Variants in PTPRT observed in about 807,000 individuals in gnomAD.
PTPRT encodes the protein receptor-type tyrosine-protein phosphatase T.
A neutral mutation model predicts 176.8 loss-of-function variants in PTPRT; 56 were observed. The observed-to-expected ratio is 0.32, with a 90% confidence interval of 0.26 to 0.40. The LOEUF (loss-of-function observed/expected upper bound fraction) is 0.40, where lower values mean the gene tolerates loss of function less well. Ranked by LOEUF, PTPRT falls within the 10% of genes least tolerant of loss-of-function variation. The probability of loss-of-function intolerance (pLI) is 1.00; values close to 1 mark genes in which losing one functional copy is unlikely to be tolerated. For missense variants in PTPRT, 1,540 were observed against 1,908.2 expected (o/e 0.81, Z 3.60); for synonymous variants, 783 against 739.0 (o/e 1.06, Z -0.96).
intron 1 of PTPRT, among the ~76,000 whole-genome samples, chr20:43,170,691 TTC>T (rs2014975778): frequency 6.6e-6 from 1 of 152,226 alleles, no homozygotes; most frequent in Non-Finnish European, 1.5e-5. Context: ...GGTAGAATTA[TTC>T]CCATTGACAG....
chr20:42,061,102 C>A, the PTPRT span, among the ~76,000 whole-genome samples: 940 of 152,172 alleles, frequency 6.2e-3, 10 homozygotes, highest in African/African-American at 0.021. Context: ...TCAAGATATG[C>A]GGTAGTGACA....
chr20:42,479,596 C>T (rs1002900066), intron 7 of PTPRT, among the ~76,000 whole-genome samples: 2 of 152,200 alleles, frequency 1.3e-5, no homozygotes, highest in Non-Finnish European at 2.9e-5. Flanking sequence ...TTTCCACCAC[C>T]TCTTCTAATT....
intron 9 of PTPRT, among the ~76,000 whole-genome samples, chr20:42,373,185 C>A (rs1052940056): frequency 3.9e-5 from 6 of 152,164 alleles, no homozygotes; most frequent in Non-Finnish European, 7.4e-5. Context: ...ACCCTTCCAA[C>A]TTTACTGCTG....
At chr20:43,093,179 G>A (rs187064990) in intron 1 of PTPRT, among the ~76,000 whole-genome samples, 170 of 152,314 alleles carry the variant, frequency 1.1e-3, no homozygotes, top group South Asian at 6.2e-4. Flanking sequence ...GCTGTATCGA[G>A]GAGGAGAGAT....
chr20:42,499,637 A>G (rs983162906), intron 7 of PTPRT, among the ~76,000 whole-genome samples: 3 of 152,104 alleles, frequency 2.0e-5, no homozygotes, highest in Non-Finnish European at 4.4e-5. Flanking sequence ...ATGGTAGCAA[A>G]TGATAAAATA....
chr20:42,793,273 C>G (rs1216053029), intron 2 of PTPRT, among the ~76,000 whole-genome samples: 1 of 152,128 alleles, frequency 6.6e-6, no homozygotes, highest in Non-Finnish European at 1.5e-5. Flanking sequence ...TTTAGTTTGA[C>G]TAGCAACCAA....
In PTPRT at chr20:42,199,265, A is replaced by C. The variant is rs756454447; in HGVS notation, c.2466T>G (p.Ser822=). The change falls in exon 16 of 31, where the codon TCT becomes TCG. Residue 822 remains serine (S), a synonymous_variant. Coordinates refer to ENST00000373187, the MANE Select transcript of PTPRT (RefSeq NM_007050.6). ...SASRNDEGFS[S]SSQDVNGFTD... ...TGAATCCGTTGACGTCCTGAGAACT[A>C]GAAGAGAAGCCTTCATCATTGCGGC... 5 of 1,614,028 alleles carry C rather than the reference A, an allele frequency of 3.1e-6. No homozygotes were observed. Among genetic ancestry groups the C allele is most frequent in the Non-Finnish European group, 4.2e-6 (5 of 1,180,014 alleles).
intron 6 of PTPRT, among the ~76,000 whole-genome samples, chr20:42,755,504 C>T (rs934338696): frequency 1.3e-5 from 2 of 151,746 alleles, no homozygotes; most frequent in African/African-American, 2.4e-5. Context: ...AAATTTTAAT[C>T]GGCAAACATA....
intron 11 of PTPRT, among the ~76,000 whole-genome samples, chr20:42,332,857 C>T (rs148196436): frequency 6.6e-6 from 1 of 152,048 alleles, no homozygotes; most frequent in Non-Finnish European, 1.5e-5. Flanking sequence ...TATGGTACAA[C>T]AAGATATATA....
At chr20:42,657,906 C>T (rs968030167) in intron 7 of PTPRT, among the ~76,000 whole-genome samples, 5 of 149,706 alleles carry the variant, frequency 3.3e-5, no homozygotes, top group African/African-American at 1.2e-4. Flanking sequence ...TTCATTTTTA[C>T]ATCTCTGTGA....
At chr20:42,454,139 G>A (rs751717349) in intron 8 of PTPRT, among the ~76,000 whole-genome samples, 16 of 151,736 alleles carry the variant, frequency 1.1e-4, no homozygotes, top group South Asian at 8.3e-4. Context: ...TATGATTTGC[G>A]TTTGTCACTC....
chr20:42,508,669 G>C (rs954010289), intron 7 of PTPRT, among the ~76,000 whole-genome samples: 1 of 151,786 alleles, frequency 6.6e-6, no homozygotes, highest in South Asian at 2.1e-4. Context: ...CTTTCCCATC[G>C]TGCCATAGCT....
intron 18 of PTPRT, among the ~76,000 whole-genome samples, chr20:42,134,682 G>A (rs554426374): frequency 1.0e-3 from 156 of 152,272 alleles, no homozygotes; most frequent in African/African-American, 3.5e-3. Flanking sequence ...GATCAGTAAT[G>A]TCTGCTGATT....
intron 7 of PTPRT, among the ~76,000 whole-genome samples, chr20:42,633,882 A>AATTATTATATATAATATAAT (rs2074481450): frequency 1.4e-5 from 1 of 70,322 alleles, no homozygotes; most frequent in Non-Finnish European, 2.5e-5. Flanking sequence ...AATATATTAT[A>AATTATTATATATAATATAAT]ATATAATTAT....
At chr20:43,038,489 T>G (rs1214801017) in intron 1 of PTPRT, among the ~76,000 whole-genome samples, 1 of 152,146 alleles carries the variant, frequency 6.6e-6, no homozygotes, top group Non-Finnish European at 1.5e-5. Flanking sequence ...TGATTAAGAA[T>G]ATTTATCTGA....
intron 1 of PTPRT, among the ~76,000 whole-genome samples, chr20:43,057,196 C>A (rs1208200477): frequency 7.5e-6 from 1 of 132,926 alleles, no homozygotes; most frequent in Non-Finnish European, 1.6e-5. Flanking sequence ...TGCCTCCTGA[C>A]TGTGGGGATA....
chr20:42,921,317 C>T (rs1979130187), intron 1 of PTPRT, among the ~76,000 whole-genome samples: 1 of 152,104 alleles, frequency 6.6e-6, no homozygotes, highest in Admixed American at 6.5e-5. Flanking sequence ...GCCAGGAGTC[C>T]AAGACAAGCC....
chr20:42,157,126 G>T (rs1311629739), intron 17 of PTPRT, among the ~76,000 whole-genome samples: 2 of 152,208 alleles, frequency 1.3e-5, no homozygotes, highest in East Asian at 1.9e-4. Context: ...GTACATGCCA[G>T]ATATATTACT....
chr20:42,964,708 A>AT (rs1164132124), intron 1 of PTPRT, among the ~76,000 whole-genome samples: 1 of 152,104 alleles, frequency 6.6e-6, no homozygotes, highest in Non-Finnish European at 1.5e-5. Flanking sequence ...TGCTTTGAGT[A>AT]TTTTTTCGGT....
Sources: allele counts gnomAD v4.1 joint callset (sites outside exome capture counted in the v4.1 genomes callset), GRCh38; gene constraint gnomAD v4.1.1; transcripts MANE v1.5; gene names NCBI Gene and HGNC (gene_info 2026-07-23, HGNC 2026-07-21).